ADGRV1: variants seen among roughly 807,000 people sequenced by gnomAD.
ADGRV1 encodes the protein adhesion G protein-coupled receptor V1.
Under a neutral mutation model 596.2 loss-of-function variants are expected in ADGRV1, and 359 were observed. The observed-to-expected ratio is 0.60, with a 90% confidence interval of 0.55 to 0.66. ADGRV1 has a LOEUF of 0.66. Ranked by LOEUF, ADGRV1 falls within the 30% of genes least tolerant of loss-of-function variation. The probability of loss-of-function intolerance (pLI) is 0.00; values close to 1 mark genes in which losing one functional copy is unlikely to be tolerated. For synonymous variants in ADGRV1, 2,681 were observed against 2,679.2 expected (o/e 1.00, Z -0.02); for missense variants, 7,274 against 7,575.6 (o/e 0.96, Z 1.48).
intron 84 of ADGRV1, among the ~76,000 whole-genome samples, chr5:90,976,322 G>GTGTGTA (rs1420288881): frequency 0.097 from 10,482 of 108,166 alleles, 519 homozygotes; most frequent in Non-Finnish European, 0.13. Context: ...GTGTGTGTGT[G>GTGTGTA]TATATATATA....
intron 86 of ADGRV1, among the ~76,000 whole-genome samples, chr5:91,075,467 T>C (rs1189870345): frequency 6.6e-6 from 1 of 152,124 alleles, no homozygotes. Flanking sequence ...ACCCTGATTA[T>C]CAGAAAAAGA....
chr5:90,583,469 T>C (rs575561315), intron 1 of ADGRV1, among the ~76,000 whole-genome samples: 1 of 152,312 alleles, frequency 6.6e-6, no homozygotes, highest in East Asian at 1.9e-4. Context: ...TTAACATCTT[T>C]ATGATTTCAT....
intron 85 of ADGRV1, among the ~76,000 whole-genome samples, chr5:91,047,692 A>G (rs540344361): frequency 3.3e-4 from 50 of 152,308 alleles, no homozygotes; most frequent in African/African-American, 1.2e-3. Context: ...TGATCCTTCA[A>G]ACAAGTTGAC....
rs1055915375 is a variant in ADGRV1, at chr5:90,711,039, A to C, written c.8883A>C (p.Val2961=). The change falls in exon 40 of 90, where the codon GTA becomes GTC. Residue 2961 remains valine, a synonymous_variant. Transcript: ENST00000405460. ...ATGCCAATGATGGGGCCCGAGGTGT[A>C]ATTGAATGGCAACAAAGCAGGTAAG... The part of the protein sequence containing the change: ...IIDANDGARG[V]IEWQQSRFEV... 3.1e-6 allele frequency: 5 copies of C among 1,610,728 alleles called. No individual in the cohort carries two copies. Among genetic ancestry groups the C allele is most frequent in the Non-Finnish European group, 4.2e-6 (5 of 1,178,210 alleles).
intron 87 of ADGRV1, among the ~76,000 whole-genome samples, chr5:91,126,312 A>C (rs1250167729): frequency 6.6e-6 from 1 of 152,214 alleles, no homozygotes; most frequent in African/African-American, 2.4e-5. Flanking sequence ...CCTCAACCCA[A>C]ACTGACATTT....
At chr5:91,058,799 C>T (rs577451668) in intron 85 of ADGRV1, among the ~76,000 whole-genome samples, 5 of 152,116 alleles carry the variant, frequency 3.3e-5, no homozygotes, top group African/African-American at 4.8e-5. Flanking sequence ...TCCCCTCATG[C>T]GGACGTGCTG....
intron 82 of ADGRV1, among the ~76,000 whole-genome samples, chr5:90,856,135 A>G (rs1219213886): frequency 6.6e-6 from 1 of 152,202 alleles, no homozygotes; most frequent in Non-Finnish European, 1.5e-5. Context: ...CATAAAGAAT[A>G]TGTAATACAG....
chr5:90,916,631 AT>A (rs11407284), intron 83 of ADGRV1, among the ~76,000 whole-genome samples: 58 of 124,678 alleles, frequency 4.7e-4, no homozygotes, highest in African/African-American at 1.5e-3. Flanking sequence ...GCGTTCACAA[AT>A]TTTTTTTTTT....
At chr5:90,651,514 T>C (rs1768620746) in intron 17 of ADGRV1, 90 bp from the exon 18 acceptor site, 3 of 1,147,832 alleles carry the variant, frequency 2.6e-6, no homozygotes, top group Non-Finnish European at 2.4e-6. Context: ...AATTTTCAAC[T>C]TAATTGTAAA....
At chr5:90,823,918 A>AT (rs1763838209) in intron 76 of ADGRV1, among the ~76,000 whole-genome samples, 2 of 152,156 alleles carry the variant, frequency 1.3e-5, no homozygotes, top group Admixed American at 1.3e-4. Context: ...CTTATTCACA[A>AT]TTCTTTTTGT....
At chr5:90,759,978 A>C (rs1281469219) in intron 58 of ADGRV1, 1 of 143,654 alleles carries the variant, frequency 7.0e-6, no homozygotes, top group African/African-American at 3.0e-5. Flanking sequence ...AAAAAAAAAA[A>C]AAAAAAAAAA....
chr5:90,744,235 G>A (rs1457628176), intron 50 of ADGRV1, among the ~76,000 whole-genome samples: 2 of 152,102 alleles, frequency 1.3e-5, no homozygotes, highest in African/African-American at 2.4e-5. Context: ...TCCTGCTTTG[G>A]CCTCCCAAAG....
chr5:90,862,726 C>A, intron 82 of ADGRV1, among the ~76,000 whole-genome samples: 1 of 152,190 alleles, frequency 6.6e-6, no homozygotes, highest in Admixed American at 6.5e-5. Flanking sequence ...TAACGCAAAG[C>A]TTCCCTTGTT....
At chr5:91,158,961 C>G (rs551406115) in intron 89 of ADGRV1, among the ~76,000 whole-genome samples, 1 of 152,236 alleles carries the variant, frequency 6.6e-6, no homozygotes, top group African/African-American at 2.4e-5. Flanking sequence ...ATACTATCTC[C>G]TGTGCCCTTT....
At chr5:90,620,445 G>A (rs1213083044) in intron 4 of ADGRV1, among the ~76,000 whole-genome samples, 1 of 151,962 alleles carries the variant, frequency 6.6e-6, no homozygotes, top group African/African-American at 2.4e-5. Flanking sequence ...TTTTGATGGA[G>A]TATTTTTTTT....
At chr5:91,120,761 G>A (rs990809778) in intron 87 of ADGRV1, among the ~76,000 whole-genome samples, 6 of 152,076 alleles carry the variant, frequency 3.9e-5, no homozygotes, top group Admixed American at 2.0e-4. Flanking sequence ...ACAGATGCAG[G>A]GGAGGCAAAA....
intron 83 of ADGRV1, among the ~76,000 whole-genome samples, chr5:90,946,928 C>T (rs143001424): frequency 3.0e-4 from 46 of 152,160 alleles, no homozygotes; most frequent in Non-Finnish European, 5.3e-4. Flanking sequence ...TGAACATATG[C>T]GTGCATGTAT....
In ADGRV1 at chr5:90,627,524, C is replaced by A; in HGVS notation, c.986C>A (p.Thr329Lys). 6.2e-7 allele frequency: 1 copy of A among 1,613,890 alleles called. No individual in the cohort carries two copies. Among genetic ancestry groups the A allele is most frequent in the Non-Finnish European group, 8.5e-7 (1 of 1,179,808 alleles). ...GACTTCATTGATCTTCAGCCAAACA[C>A]AACTGTTGTTTTTCCACCTTTTATT... ...NLDFIDLQPNTTVVFPPFIHE... is the reference protein window; with the variant it reads ...NLDFIDLQPNKTVVFPPFIHE... The change falls in exon 7 of 90, where the codon ACA becomes AAA. Residue 329 changes from threonine to lysine, a missense_variant. Thr to Lys is a moderately conservative substitution (Grantham distance 78, BLOSUM62 -1). This residue lies in a region of ADGRV1 where 1,715 missense variants were observed against 1,708.8 expected (regional missense o/e 1.00). Transcript: ENST00000405460.
chr5:90,635,751 T>C (rs953225650), intron 10 of ADGRV1, among the ~76,000 whole-genome samples: 5 of 152,030 alleles, frequency 3.3e-5, no homozygotes, highest in Admixed American at 2.6e-4. Flanking sequence ...CCACCACTCC[T>C]GCCTATTTTT....
Sources: gnomAD v4.1 joint callset for allele counts (sites outside exome capture counted in the v4.1 genomes callset) on GRCh38, gnomAD v4.1.1 for gene constraint, gnomAD v4.1.1 regional missense constraint, MANE v1.5 for transcripts, NCBI Gene and HGNC (gene_info 2026-07-23, HGNC 2026-07-21) for gene names.